The following PHLDB2 variants were observed in gnomAD, a reference collection of about 807,000 sequenced individuals.
PHLDB2 encodes pleckstrin homology-like domain family B member 2.
PHLDB2 carries 71 observed loss-of-function variants against 123.6 expected under a neutral mutation model. The observed-to-expected ratio is 0.57, with a 90% CI of 0.47 to 0.70. The LOEUF (loss-of-function observed/expected upper bound fraction) is 0.70. Among genes scored for constraint, PHLDB2 ranks in the 30% least tolerant of loss-of-function variants. The pLI, the probability that PHLDB2 is intolerant of heterozygous loss-of-function variation, is 0.00. For missense variants in PHLDB2, 1,446 were observed against 1,519.5 expected (o/e 0.95, Z 0.80); for synonymous variants, 547 against 541.6 (o/e 1.01, Z -0.14).
At chr3:111,873,709 A>G (rs2065457463) in intron 1 of PHLDB2, among the ~76,000 whole-genome samples, 1 of 152,104 alleles carries the variant, frequency 6.6e-6, no homozygotes, top group African/African-American at 2.4e-5. Context: ...TCTGTTTCCC[A>G]TTTTGTATAT....
intron 2 of PHLDB2, among the ~76,000 whole-genome samples, chr3:111,908,702 G>A (rs1030545723): frequency 1.3e-5 from 2 of 152,214 alleles, no homozygotes; most frequent in Non-Finnish European, 2.9e-5. Context: ...TCCAGAAAGA[G>A]GTGAACTGAT....
At chr3:111,743,666 T>C (rs182618805) in intron 1 of PHLDB2, among the ~76,000 whole-genome samples, 1 of 152,318 alleles carries the variant, frequency 6.6e-6, no homozygotes, top group Non-Finnish European at 1.5e-5. Context: ...TCTCCAATAC[T>C]ACACATTGTA....
At chr3:111,899,745 A>T (rs1045212167) in intron 2 of PHLDB2, among the ~76,000 whole-genome samples, 1 of 152,150 alleles carries the variant, frequency 6.6e-6, no homozygotes, top group Non-Finnish European at 1.5e-5. Context: ...TAAGTCCTAG[A>T]TGGCATCTTC....
chr3:111,902,449 C>A (rs1345922054), intron 2 of PHLDB2, among the ~76,000 whole-genome samples: 1 of 152,002 alleles, frequency 6.6e-6, no homozygotes, highest in East Asian at 1.9e-4. Context: ...CAGTGCAAGA[C>A]GCTGTCTCAA....
chr3:111,822,067 G>A (rs990428401), intron 1 of PHLDB2, among the ~76,000 whole-genome samples: 7 of 152,014 alleles, frequency 4.6e-5, no homozygotes, highest in African/African-American at 1.7e-4. Context: ...CAGTTTTCAG[G>A]AAACCCTATA....
At chr3:111,849,183 G>T (rs1325251855) in intron 2 of PHLDB2, among the ~76,000 whole-genome samples, 1 of 151,920 alleles carries the variant, frequency 6.6e-6, no homozygotes, top group Non-Finnish European at 1.5e-5. Flanking sequence ...TTGTTTGTTT[G>T]TTTTTTTGAT....
intron 2 of PHLDB2, 83 bp from the exon 3 acceptor site, chr3:111,913,236 G>T (rs2067988786): frequency 7.0e-7 from 1 of 1,429,348 alleles, no homozygotes; most frequent in African/African-American, 1.4e-5. Context: ...AGCACCAGTT[G>T]TCCCAGCCTC....
At chr3:111,953,295 T>C (rs529775780) in intron 11 of PHLDB2, among the ~76,000 whole-genome samples, 5 of 152,250 alleles carry the variant, frequency 3.3e-5, no homozygotes, top group African/African-American at 1.2e-4. Context: ...TCTGCCGACA[T>C]GCCTGAGGGG....
chr3:111,781,569 G>C (rs1203835249), intron 1 of PHLDB2, among the ~76,000 whole-genome samples: 2 of 152,016 alleles, frequency 1.3e-5, no homozygotes, highest in East Asian at 3.9e-4. Flanking sequence ...AGGATTCTTT[G>C]TTCTACCTTC....
chr3:111,783,139 G>T (rs908077794), intron 1 of PHLDB2, among the ~76,000 whole-genome samples: 2 of 152,046 alleles, frequency 1.3e-5, no homozygotes, highest in African/African-American at 4.8e-5. Flanking sequence ...GAAACTGCTT[G>T]CAGCAGTTCC....
At chr3:111,790,016 G>A (rs1427722926) in intron 1 of PHLDB2, among the ~76,000 whole-genome samples, 2 of 152,160 alleles carry the variant, frequency 1.3e-5, no homozygotes, top group Non-Finnish European at 2.9e-5. Context: ...GTGCTATCAT[G>A]ACTCCATGGG....
At chr3:111,941,430 G>C (rs2069878074) in intron 8 of PHLDB2, among the ~76,000 whole-genome samples, 1 of 152,168 alleles carries the variant, frequency 6.6e-6, no homozygotes, top group Non-Finnish European at 1.5e-5. Context: ...AATCCAGAAG[G>C]AAGTATTAAA....
intron 1 of PHLDB2, among the ~76,000 whole-genome samples, chr3:111,832,075 A>G (rs1255722731): frequency 6.6e-6 from 1 of 152,050 alleles, no homozygotes; most frequent in African/African-American, 2.4e-5. Context: ...AGCTCTATTC[A>G]TATCAACCAC....
At chr3:111,832,330 G>A (rs998557949) in intron 1 of PHLDB2, among the ~76,000 whole-genome samples, 14 of 148,378 alleles carry the variant, frequency 9.4e-5, no homozygotes, top group African/African-American at 3.2e-4. Flanking sequence ...GGCATTGTTT[G>A]CTTTAATGGT....
At chr3:111,866,014 A>ATTTTTTTTT (rs61038523) in intron 1 of PHLDB2, among the ~76,000 whole-genome samples, 1,112 of 57,394 alleles carry the variant, frequency 0.019, 242 homozygotes, top group Admixed American at 0.032. Flanking sequence ...CCACCCACTC[A>ATTTTTTTTT]TTTTTTTTTT....
intron 3 of PHLDB2, chr3:111,917,085 T>G (rs963085618): frequency 6.6e-6 from 1 of 152,226 alleles, no homozygotes; most frequent in Non-Finnish European, 1.5e-5. Flanking sequence ...TAAATGAGAT[T>G]ACATTGTCCT....
intron 1 of PHLDB2, among the ~76,000 whole-genome samples, chr3:111,758,701 A>C (rs1035581564): frequency 6.6e-6 from 1 of 152,224 alleles, no homozygotes; most frequent in African/African-American, 2.4e-5. Flanking sequence ...TGTGTGGCTC[A>C]CGCTGGGAGC....
At chr3:111,945,502 C>T (rs2070238001) in intron 9 of PHLDB2, 145 bp downstream of exon 9, 1 of 682,836 alleles carries the variant, frequency 1.5e-6, no homozygotes, top group Admixed American at 2.8e-5. Context: ...CCCTGCCTTT[C>T]ATTATGTATG....
intron 1 of PHLDB2, among the ~76,000 whole-genome samples, chr3:111,787,026 T>A (rs891676843): frequency 6.6e-6 from 1 of 152,150 alleles, no homozygotes; most frequent in African/African-American, 2.4e-5. Flanking sequence ...CAATGCTAGG[T>A]ACTATTGATT....
Sources: allele counts gnomAD v4.1 joint callset (sites outside exome capture counted in the v4.1 genomes callset), GRCh38; gene constraint gnomAD v4.1.1; transcripts MANE v1.5; gene names NCBI Gene and HGNC (gene_info 2026-07-23, HGNC 2026-07-21).